SORCS3: variants seen among roughly 807,000 people sequenced by gnomAD.
SORCS3 encodes VPS10 domain-containing receptor SorCS3.
SORCS3 carries 57 observed loss-of-function variants against 146.3 expected under a neutral mutation model. The ratio of observed to expected loss-of-function variants is 0.39; its 90% CI spans 0.31 to 0.49. The LOEUF is 0.49. SORCS3 is among the 20% of genes least tolerant of loss of function. The pLI is 0.92. For missense variants in SORCS3, 1,341 were observed against 1,575.5 expected (o/e 0.85, Z 2.52); for synonymous variants, 653 against 618.5 (o/e 1.06, Z -0.83).
chr10:104,996,475 TA>T (rs950002757), intron 4 of SORCS3, among the ~76,000 whole-genome samples: 3 of 152,136 alleles, frequency 2.0e-5, no homozygotes, highest in South Asian at 2.1e-4. Flanking sequence ...AAATGGCATT[TA>T]AAAAAATTTC....
chr10:104,864,600 G>A (rs1261717678), intron 2 of SORCS3, among the ~76,000 whole-genome samples: 1 of 152,198 alleles, frequency 6.6e-6, no homozygotes. Context: ...ATATCAGCCA[G>A]TGGAGTGCTG....
chr10:105,014,530 T>C (rs1020778575), intron 4 of SORCS3, among the ~76,000 whole-genome samples: 5 of 152,262 alleles, frequency 3.3e-5, no homozygotes, highest in African/African-American at 9.6e-5. Context: ...CTGCACATAA[T>C]CCTATCAAAG....
intron 6 of SORCS3, among the ~76,000 whole-genome samples, chr10:105,094,219 T>G (rs1042849158): frequency 6.6e-6 from 1 of 152,208 alleles, no homozygotes; most frequent in Non-Finnish European, 1.5e-5. Context: ...GTATTTGACA[T>G]GAAAAGCTGC....
intron 4 of SORCS3, among the ~76,000 whole-genome samples, chr10:104,991,746 A>T (rs1432234639): frequency 6.6e-6 from 1 of 151,826 alleles, no homozygotes; most frequent in Non-Finnish European, 1.5e-5. Flanking sequence ...TGATCCGCCC[A>T]CCTTGGCCTC....
At chr10:104,868,911 T>A (rs1211057772) in intron 2 of SORCS3, among the ~76,000 whole-genome samples, 1 of 152,216 alleles carries the variant, frequency 6.6e-6, no homozygotes, top group African/African-American at 2.4e-5. Context: ...ATGCAAATAT[T>A]TTTCATGTTT....
chr10:104,798,663 C>A (rs1033378175), intron 1 of SORCS3, among the ~76,000 whole-genome samples: 1 of 152,154 alleles, frequency 6.6e-6, no homozygotes, highest in African/African-American at 2.4e-5. Flanking sequence ...ATCTAGTGCT[C>A]ATGCTCCTTG....
chr10:105,097,297 G>A lies in SORCS3; in HGVS notation c.1093+7458G>A, dbSNP rs114224922. Reference sequence around the variant, plus strand: ...TTTGCCCTGGCAAGGTTTAAACAGGGCAAAGCCAACCAGTTTGGTTAACAA... The same window carrying A: ...TTTGCCCTGGCAAGGTTTAAACAGGACAAAGCCAACCAGTTTGGTTAACAA... On this transcript the variant is annotated intron_variant, in intron 6 of 26. Coordinates refer to ENST00000369701, the MANE Select transcript of SORCS3 (RefSeq NM_014978.3). Among the ~76,000 whole-genome samples the A allele has an allele frequency of 3.5e-3, 527 of 152,316 alleles. 2 individuals are homozygous for A. The highest frequency in any genetic ancestry group is 0.012 in the African/African-American group (510 of 41,580).
At chr10:105,259,772 T>C (rs1384196836) in intron 25 of SORCS3, among the ~76,000 whole-genome samples, 1 of 152,182 alleles carries the variant, frequency 6.6e-6, no homozygotes, top group Non-Finnish European at 1.5e-5. Context: ...CACTTTGCTT[T>C]CTCTAAATTT....
At chr10:104,727,340 G>A (rs1005293212) in intron 1 of SORCS3, among the ~76,000 whole-genome samples, 23 of 152,168 alleles carry the variant, frequency 1.5e-4, no homozygotes, top group African/African-American at 5.3e-4. Flanking sequence ...AAATAGAAAA[G>A]CATACATATA....
At chr10:104,795,586 T>C (rs1034053775) in intron 1 of SORCS3, among the ~76,000 whole-genome samples, 15 of 152,272 alleles carry the variant, frequency 9.9e-5, no homozygotes, top group East Asian at 1.9e-4. Flanking sequence ...CAATTTTTCA[T>C]GGTACAACAT....
intron 1 of SORCS3, among the ~76,000 whole-genome samples, chr10:104,795,143 G>C (rs372835718): frequency 6.6e-6 from 1 of 152,072 alleles, no homozygotes; most frequent in East Asian, 1.9e-4. Flanking sequence ...AGAAATAAAA[G>C]GGGAGTAATT....
At chr10:105,071,038 T>A (rs1202621575) in intron 5 of SORCS3, among the ~76,000 whole-genome samples, 1 of 151,654 alleles carries the variant, frequency 6.6e-6, no homozygotes, top group Non-Finnish European at 1.5e-5. Flanking sequence ...TGGGATGAGC[T>A]ATTCCCCTTC....
intron 5 of SORCS3, among the ~76,000 whole-genome samples, chr10:105,063,163 T>C (rs2055499190): frequency 6.6e-5 from 10 of 152,198 alleles, no homozygotes; most frequent in Admixed American, 6.5e-4. Context: ...ACTGATTCCA[T>C]ATTAAACATC....
chr10:104,947,348 G>T (rs1007462490), intron 3 of SORCS3, among the ~76,000 whole-genome samples: 3 of 152,118 alleles, frequency 2.0e-5, no homozygotes, highest in Non-Finnish European at 2.9e-5. Flanking sequence ...AGAAAGAAGG[G>T]CTGATAACAC....
At chr10:104,935,653 G>A (rs1246095803) in intron 3 of SORCS3, among the ~76,000 whole-genome samples, 1 of 149,388 alleles carries the variant, frequency 6.7e-6, no homozygotes, top group East Asian at 2.0e-4. Context: ...AAGAGGCACT[G>A]ATTCTGCCCG....
chr10:105,212,412 A>G (rs1589690901), intron 17 of SORCS3, among the ~76,000 whole-genome samples: 1 of 152,326 alleles, frequency 6.6e-6, no homozygotes, highest in East Asian at 1.9e-4. Flanking sequence ...AGTTTGAGGA[A>G]AGGGAGTATT....
intron 1 of SORCS3, among the ~76,000 whole-genome samples, chr10:104,663,793 G>C (rs989593198): frequency 6.6e-6 from 1 of 152,120 alleles, no homozygotes; most frequent in Non-Finnish European, 1.5e-5. Context: ...TGAACCAGGA[G>C]CTTTTTCCTT....
rs147322790 is a variant in SORCS3, at chr10:105,169,332, A to G, written c.1901+1983A>G. On this transcript the variant is annotated intron_variant, in intron 13 of 26. Transcript: ENST00000369701. ...TCAAGATAAGGTGTTTAGGCAGTAC[A>G]TGTGTGACTAGAAGTGAAAGCAATG... Among the ~76,000 whole-genome samples the G allele has an allele frequency of 8.5e-5, 13 of 152,214 alleles. No homozygotes were observed. The East Asian group carries it at 2.1e-3, about 25-fold the overall frequency.
chr10:104,765,870 T>C (rs1197240898), intron 1 of SORCS3, among the ~76,000 whole-genome samples: 3 of 152,198 alleles, frequency 2.0e-5, no homozygotes, highest in Non-Finnish European at 4.4e-5. Context: ...CTAATAAGTG[T>C]CAGACCTGGG....
Sources: gnomAD v4.1 joint callset for allele counts (sites outside exome capture counted in the v4.1 genomes callset) on GRCh38, gnomAD v4.1.1 for gene constraint, MANE v1.5 for transcripts, NCBI Gene and HGNC (gene_info 2026-07-23, HGNC 2026-07-21) for gene names.